JAZF1: variants seen among roughly 807,000 people sequenced by gnomAD.
The protein encoded by JAZF1 is juxtaposed with another zinc finger protein 1.
In JAZF1, 8 loss-of-function variants were observed where a neutral mutation model predicts 26.4. That is an observed-to-expected ratio of 0.30 (90% confidence interval 0.18 to 0.55). The LOEUF (loss-of-function observed/expected upper bound fraction) is 0.55, where lower values mean the gene tolerates loss of function less well. JAZF1 is among the 20% of genes least tolerant of loss of function. JAZF1 has a pLI of 0.94. For missense variants in JAZF1, 199 were observed against 322.0 expected, an observed-to-expected ratio of 0.62 and a Z score of 2.92; for synonymous variants, 126 against 122.3, an observed-to-expected ratio of 1.03 and a Z score of -0.20.
chr7:28,004,029 A>T (rs929815328), intron 1 of JAZF1, among the ~76,000 whole-genome samples: 2 of 152,098 alleles, frequency 1.3e-5, no homozygotes, highest in Admixed American at 1.3e-4. Flanking sequence ...ACACACATAC[A>T]AAAAGGTCTC....
intron 1 of JAZF1, chr7:28,020,515 T>C (rs747937592): frequency 1.1e-5 from 5 of 469,708 alleles, no homozygotes; most frequent in African/African-American, 2.0e-5. Context: ...ACTGATCCCA[T>C]ACTGACATCT....
chr7:27,929,389 C>T (rs574254961), intron 2 of JAZF1, among the ~76,000 whole-genome samples: 24 of 152,264 alleles, frequency 1.6e-4, no homozygotes, highest in African/African-American at 5.8e-4. Flanking sequence ...GTCCAGCAGA[C>T]CTGTGGAGGA....
chr7:27,956,092 G>C (rs1488640329), intron 2 of JAZF1, among the ~76,000 whole-genome samples: 1 of 152,206 alleles, frequency 6.6e-6, no homozygotes, highest in African/African-American at 2.4e-5. Context: ...TAGCAGAGAT[G>C]AAGTAGTGAC....
intron 1 of JAZF1, among the ~76,000 whole-genome samples, chr7:28,089,436 C>T (rs1381979840): frequency 6.6e-6 from 1 of 152,194 alleles, no homozygotes; most frequent in Non-Finnish European, 1.5e-5. Flanking sequence ...ATTATAATAG[C>T]CCAAGCTAAA....
intron 1 of JAZF1, among the ~76,000 whole-genome samples, chr7:28,001,263 A>C (rs1786154020): frequency 6.6e-6 from 1 of 152,108 alleles, no homozygotes; most frequent in Non-Finnish European, 1.5e-5. Flanking sequence ...GAGATATGAG[A>C]ATCGTTTGAA....
chr7:27,853,432 T>A (rs1410972056), intron 3 of JAZF1, among the ~76,000 whole-genome samples: 1 of 152,148 alleles, frequency 6.6e-6, no homozygotes, highest in African/African-American at 2.4e-5. Context: ...TGTGTCTGCA[T>A]GATCCTATCT....
At chr7:28,152,683 G>A (rs1783128331) in intron 1 of JAZF1, among the ~76,000 whole-genome samples, 1 of 152,172 alleles carries the variant, frequency 6.6e-6, no homozygotes. Flanking sequence ...TACAAGAATA[G>A]TAAGTAAATA....
intron 1 of JAZF1, among the ~76,000 whole-genome samples, chr7:28,014,765 G>A (rs956896430): frequency 6.6e-6 from 1 of 152,222 alleles, no homozygotes; most frequent in African/African-American, 2.4e-5. Context: ...TTAGAGAACG[G>A]AATGTCTCTC....
At position 27,830,931 on chromosome 7, in the gene JAZF1, C is replaced by CAG. The variant is rs1782675069; in HGVS notation, c.*1868_*1869insCT. The CAG allele has an allele frequency of 4.6e-6, 1 of 217,820 alleles. No individual in the cohort carries two copies. The highest frequency in any genetic ancestry group is 9.3e-6 in the Non-Finnish European group (1 of 108,050). 13.5% of individuals were successfully genotyped at this position (217,820 alleles called of 1,614,324 possible). On this transcript the variant is annotated 3_prime_UTR_variant, in exon 5 of 5. Transcript: ENST00000283928. The stretch of plus-strand genomic sequence containing the variant: ...ATTTTATGACTGTTTAGCTGTTGAA[C>CAG]TACTGATCCAGCCTGCAGTTTCTTG...
At chr7:28,133,068 G>T (rs1248995391) in intron 1 of JAZF1, among the ~76,000 whole-genome samples, 1 of 152,156 alleles carries the variant, frequency 6.6e-6, no homozygotes, top group Non-Finnish European at 1.5e-5. Flanking sequence ...TCCCAAAAAA[G>T]ATCACCCTCC....
At chr7:27,851,526 A>AC (rs1783150454) in intron 3 of JAZF1, among the ~76,000 whole-genome samples, 2 of 151,974 alleles carry the variant, frequency 1.3e-5, no homozygotes, top group Admixed American at 6.6e-5. Flanking sequence ...GGTGGTACAC[A>AC]CCTGTTGTCC....
chr7:27,886,826 G>A (rs185798333), intron 3 of JAZF1, among the ~76,000 whole-genome samples: 5 of 151,278 alleles, frequency 3.3e-5, no homozygotes, highest in Admixed American at 6.6e-5. Flanking sequence ...CACTATTCAC[G>A]ATAGCAAAGA....
At chr7:28,059,508 T>C (rs1279595945) in intron 1 of JAZF1, among the ~76,000 whole-genome samples, 3 of 152,184 alleles carry the variant, frequency 2.0e-5, no homozygotes, top group African/African-American at 7.2e-5. Context: ...AAACAACACA[T>C]ATTTTGGTTT....
At chr7:28,073,226 T>C (rs1784003579) in intron 1 of JAZF1, among the ~76,000 whole-genome samples, 1 of 152,224 alleles carries the variant, frequency 6.6e-6, no homozygotes, top group Non-Finnish European at 1.5e-5. Context: ...GTACTTGAGT[T>C]AGCAGAGCTC....
chr7:28,133,716 CAG>C (rs1368395583), intron 1 of JAZF1, among the ~76,000 whole-genome samples: 1 of 152,204 alleles, frequency 6.6e-6, no homozygotes, highest in Admixed American at 6.5e-5. Flanking sequence ...AGTCCTTACT[CAG>C]TGTTCTAGCC....
chr7:27,876,386 T>C (rs1783680404), intron 3 of JAZF1, among the ~76,000 whole-genome samples: 1 of 152,216 alleles, frequency 6.6e-6, no homozygotes, highest in Admixed American at 6.5e-5. Context: ...ACCTTGACTC[T>C]TGGGAGAGCA....
chr7:27,932,130 A>G (rs1192903928), intron 2 of JAZF1, among the ~76,000 whole-genome samples: 1 of 152,094 alleles, frequency 6.6e-6, no homozygotes, highest in African/African-American at 2.4e-5. Context: ...AAAAACAGAG[A>G]AGAGTTTTAT....
chr7:28,175,468 CAT>C (rs1464983446), intron 1 of JAZF1, among the ~76,000 whole-genome samples: 1 of 152,188 alleles, frequency 6.6e-6, no homozygotes, highest in Admixed American at 6.5e-5. Flanking sequence ...AAACACTTCA[CAT>C]ATATTATCTC....
intron 1 of JAZF1, among the ~76,000 whole-genome samples, chr7:28,092,448 T>C (rs1784318406): frequency 6.6e-6 from 1 of 151,788 alleles, no homozygotes; most frequent in African/African-American, 2.4e-5. Context: ...GATGTTATAT[T>C]GCCTGTTCAG....
Sources: gnomAD v4.1 joint callset for allele counts (sites outside exome capture counted in the v4.1 genomes callset) on GRCh38, gnomAD v4.1.1 for gene constraint, MANE v1.5 for transcripts, NCBI Gene and HGNC (gene_info 2026-07-23, HGNC 2026-07-21) for gene names.